Variants in DENND2B observed in about 807,000 individuals in gnomAD.
DENND2B encodes DENN domain-containing protein 2B.
Under a neutral mutation model 116.0 loss-of-function variants are expected in DENND2B, and 32 were observed. The ratio of observed to expected loss-of-function variants is 0.28; its 90% CI spans 0.21 to 0.37. The LOEUF is 0.37. Among genes scored for constraint, DENND2B ranks in the 10% least tolerant of loss-of-function variants. The probability of loss-of-function intolerance (pLI) is 1.00; values close to 1 mark genes in which losing one functional copy is unlikely to be tolerated. For missense variants in DENND2B, 1,276 were observed against 1,477.7 expected, an observed-to-expected ratio of 0.86 and a Z score of 2.24; for synonymous variants, 588 against 583.9, an observed-to-expected ratio of 1.01 and a Z score of -0.10.
intron 2 of DENND2B, among the ~76,000 whole-genome samples, chr11:8,859,113 T>A (rs567394215): frequency 6.6e-5 from 10 of 152,204 alleles, no homozygotes; most frequent in Non-Finnish European, 1.0e-4. Flanking sequence ...AAACCTTGTC[T>A]GGGGCTCCAA....
In DENND2B at chr11:8,730,291, G is replaced by A. The variant is rs778410788; in HGVS notation, c.999C>T (p.Ser333=). 3.7e-6 allele frequency: 6 copies of A among 1,606,328 alleles called. No homozygotes were observed. In the Middle Eastern group the frequency reaches 5.0e-4, roughly 133 times the overall value. Residue 333 remains serine, a synonymous_variant, in exon 3 of 20, where the codon AGC becomes AGT. Transcript: ENST00000313726. This position sits in a 1 kb window ranked among gnomAD's most constrained non-coding sequence, Gnocchi z 4.1. ...LEEPAGGASV[S]AGSRAVGVAG... ...CCACTCCGACTGCCCGGCTGCCAGC[G>A]CTCACACTCGCGCCCCCTGCCGGCT...
intron 4 of DENND2B, among the ~76,000 whole-genome samples, chr11:8,823,939 G>A (rs1250554588): frequency 8.0e-5 from 9 of 112,794 alleles, no homozygotes; most frequent in African/African-American, 2.5e-4. Context: ...GTCTTGCTTT[G>A]TCGCCCAGGC....
chr11:8,740,787 C>T (rs1000759734), intron 2 of DENND2B, among the ~76,000 whole-genome samples: 13 of 152,184 alleles, frequency 8.5e-5, no homozygotes, highest in African/African-American at 2.7e-4. Context: ...TACTAAGGGC[C>T]CTGTTGGCTT....
chr11:8,894,139 A>C (rs11042111), intron 1 of DENND2B, among the ~76,000 whole-genome samples: 29,799 of 152,070 alleles, frequency 0.2, 3,042 homozygotes, highest in East Asian at 0.31. Context: ...CAAAAACAAG[A>C]AATGGGGAAA....
chr11:8,728,189 A>G (rs117899564), intron 3 of DENND2B, among the ~76,000 whole-genome samples: 1 of 152,078 alleles, frequency 6.6e-6, no homozygotes, highest in Non-Finnish European at 1.5e-5. Flanking sequence ...TTTTTTGTAG[A>G]GATGAGGTCT....
chr11:8,805,053 CT>C (rs1306833260), intron 1 of DENND2B, among the ~76,000 whole-genome samples: 1 of 152,192 alleles, frequency 6.6e-6, no homozygotes, highest in Non-Finnish European at 1.5e-5. Context: ...AAGTCAAGTA[CT>C]ATTACATCCA....
intron 1 of DENND2B, among the ~76,000 whole-genome samples, chr11:8,906,057 A>T (rs1019303709): frequency 1.3e-5 from 2 of 151,674 alleles, no homozygotes; most frequent in South Asian, 2.1e-4. Context: ...TACACTAGGG[A>T]TTTTTCTCAG....
chr11:8,853,887 C>T (rs929535092), intron 3 of DENND2B, among the ~76,000 whole-genome samples: 2 of 151,974 alleles, frequency 1.3e-5, no homozygotes, highest in African/African-American at 2.4e-5. Flanking sequence ...CTCACTCTGT[C>T]GCTCAGGCTC....
intron 1 of DENND2B, among the ~76,000 whole-genome samples, chr11:8,778,856 G>A (rs973699307): frequency 1.3e-5 from 2 of 152,248 alleles, no homozygotes; most frequent in African/African-American, 4.8e-5. Flanking sequence ...TGGTAAAGAT[G>A]AAAGGGCAGT....
chr11:8,832,195 G>A (rs2062234705), intron 4 of DENND2B, among the ~76,000 whole-genome samples: 1 of 152,108 alleles, frequency 6.6e-6, no homozygotes. Context: ...GCTCACGCCT[G>A]TAATCCCAGC....
At chr11:8,861,762 A>C (rs2063399461) in intron 2 of DENND2B, among the ~76,000 whole-genome samples, 1 of 152,204 alleles carries the variant, frequency 6.6e-6, no homozygotes, top group Non-Finnish European at 1.5e-5. Context: ...CACAACAGTA[A>C]AGATACGGAA....
intron 1 of DENND2B, among the ~76,000 whole-genome samples, chr11:8,775,488 G>A (rs961418409): frequency 2.0e-5 from 3 of 152,022 alleles, no homozygotes; most frequent in African/African-American, 4.8e-5. Flanking sequence ...GCCACTAATG[G>A]GCACATTCTA....
At chr11:8,776,019 G>T (rs2057572698) in intron 1 of DENND2B, among the ~76,000 whole-genome samples, 1 of 151,976 alleles carries the variant, frequency 6.6e-6, no homozygotes, top group Admixed American at 6.5e-5. Context: ...CCCTTAATTG[G>T]TTCCAACCAA....
At chr11:8,822,518 T>C (rs7935617) in intron 4 of DENND2B, among the ~76,000 whole-genome samples, 39,321 of 152,228 alleles carry the variant, frequency 0.26, 5,359 homozygotes, top group South Asian at 0.36. Context: ...GACTCTTTCC[T>C]GCAACCTTCC....
At chr11:8,829,241 G>A (rs1455784723) in intron 4 of DENND2B, among the ~76,000 whole-genome samples, 2 of 151,846 alleles carry the variant, frequency 1.3e-5, no homozygotes. Flanking sequence ...GTAAGAGGAG[G>A]TGGGAGAGGA....
chr11:8,805,146 A>C (rs1035786757), intron 1 of DENND2B, among the ~76,000 whole-genome samples: 6 of 152,192 alleles, frequency 3.9e-5, no homozygotes, highest in African/African-American at 1.2e-4. Context: ...TCAGGCTCTA[A>C]AGCTAGGCCT....
Position 8,806,638 on chromosome 11 carries a change from A to ACACACACACACCCC in DENND2B, c.-26+3878_-26+3879insGGGGTGTGTGTGTG, listed in dbSNP as rs1017645452. Among the ~76,000 whole-genome samples the ACACACACACACCCC allele has an allele frequency of 2.6e-5, 4 of 151,016 alleles. No individual in the cohort carries two copies. The South Asian group carries it at 6.3e-4, about 24-fold the overall frequency. On this transcript the variant is annotated intron_variant, in intron 1 of 19. Coordinates refer to ENST00000313726, the MANE Select transcript of DENND2B (RefSeq NM_213618.2). ...CACACACACACACACACACACACACACCCAGGAGAGCTTTCTGGGGCCTAT... is the reference window on the plus strand; with the variant it reads ...CACACACACACACACACACACACACACACACACACACCCCCCCAGGAGAGCTTTCTGGGGCCTAT...
chr11:8,718,142 G>A, intron 4 of DENND2B: 1 of 96,392 alleles, frequency 1.0e-5, no homozygotes, highest in Non-Finnish European at 2.1e-5. Flanking sequence ...AGCTCAGCCT[G>A]GCCTCTGCTT....
At chr11:8,694,676 T>C (rs1240419260) in intron 19 of DENND2B, 1 of 454,088 alleles carries the variant, frequency 2.2e-6, no homozygotes, top group Non-Finnish European at 4.4e-6. Context: ...AGATCAAGAA[T>C]ATTTGGGGGA....
Sources: gnomAD v4.1 joint callset for allele counts (sites outside exome capture counted in the v4.1 genomes callset) on GRCh38, gnomAD v4.1.1 for gene constraint, Gnocchi (gnomAD v3.1) non-coding constraint, MANE v1.5 for transcripts, NCBI Gene and HGNC (gene_info 2026-07-23, HGNC 2026-07-21) for gene names.